Variants in LETM1 observed in about 807,000 individuals in gnomAD.
LETM1 encodes the protein leucine zipper and EF-hand containing transmembrane protein 1.
In LETM1, 50 loss-of-function variants were observed where a neutral mutation model predicts 74.5. The observed-to-expected ratio is 0.67, with a 90% CI of 0.53 to 0.85. The LOEUF is 0.85. Ranked by LOEUF, LETM1 falls within the 40% of genes least tolerant of loss-of-function variation. The pLI, the probability that LETM1 is intolerant of heterozygous loss-of-function variation, is 0.00. For missense variants in LETM1, 824 were observed against 967.8 expected (o/e 0.85, Z 1.97); for synonymous variants, 446 against 407.1 (o/e 1.10, Z -1.15).
At position 1,841,586 on chromosome 4, in the gene LETM1, C is replaced by T. The variant is rs202171442; in HGVS notation, c.355G>A (p.Val119Ile). ...AAGGACTTGAGGGACTTCTCTACTA[C>T]CGAGTCATCGCGAACAGGGCGCGAA... ...HSSRPVRDDS[V>I]VEKSLKSLKD... The change falls in exon 3 of 14, where the codon GTA becomes ATA. Residue 119 changes from valine (V) to isoleucine (I), a missense_variant. Val to Ile is a conservative substitution (Grantham distance 29). This residue lies in a region of LETM1 where 222 missense variants were observed against 195.6 expected (regional missense o/e 1.14). Transcript: ENST00000302787. 1.9e-6 allele frequency: 3 copies of T among 1,614,252 alleles called. No homozygotes were observed. The highest frequency in any genetic ancestry group is 2.5e-6 in the Non-Finnish European group (3 of 1,180,044).
intron 11 of LETM1, 95 bp from the exon 12 acceptor site, chr4:1,817,009 G>T: frequency 2.9e-6 from 3 of 1,022,620 alleles, no homozygotes; most frequent in Non-Finnish European, 4.4e-6. Flanking sequence ...ACTTTGCAAG[G>T]CCAAGGCGGG....
chr4:1,821,988 C>T (rs545167981), intron 10 of LETM1, among the ~76,000 whole-genome samples, 193 bp downstream of exon 10: 11 of 152,208 alleles, frequency 7.2e-5, no homozygotes, highest in Non-Finnish European at 1.2e-4. Flanking sequence ...GGAGCCCGGC[C>T]GGACTCACTC....
At chr4:1,828,232 G>C (rs1379819770) in intron 6 of LETM1, among the ~76,000 whole-genome samples, 49 of 32,492 alleles carry the variant, frequency 1.5e-3, no homozygotes, top group African/African-American at 1.5e-3. Context: ...GGGGCTGACC[G>C]CCCCCCACCT....
intron 10 of LETM1, among the ~76,000 whole-genome samples, chr4:1,819,975 TTGCC>T (rs1329393310): frequency 7.2e-5 from 11 of 152,242 alleles, no homozygotes; most frequent in African/African-American, 2.4e-4. Context: ...TCTCACTCTG[TTGCC>T]CAGGCTGGAG....
chr4:1,837,549 C>T (rs753555086), intron 3 of LETM1, among the ~76,000 whole-genome samples: 7 of 152,128 alleles, frequency 4.6e-5, no homozygotes, highest in Admixed American at 2.6e-4. Flanking sequence ...AAAGCTGGCA[C>T]ATGTGTTTTT....
At chr4:1,838,870 C>A (rs1712581053) in intron 3 of LETM1, among the ~76,000 whole-genome samples, 1 of 152,128 alleles carries the variant, frequency 6.6e-6, no homozygotes, top group Non-Finnish European at 1.5e-5. Flanking sequence ...ATGGCTCTCA[C>A]AGAAGCAAAC....
intron 11 of LETM1, among the ~76,000 whole-genome samples, chr4:1,817,245 C>CAAAA (rs60805612): frequency 1.1e-4 from 7 of 66,062 alleles, no homozygotes; most frequent in African/African-American, 2.5e-4. Flanking sequence ...ACTCTGTCTC[C>CAAAA]AAAAAAAAAA....
intron 6 of LETM1, among the ~76,000 whole-genome samples, chr4:1,828,855 C>T (rs1164406487): frequency 1.3e-4 from 14 of 104,296 alleles, no homozygotes; most frequent in Non-Finnish European, 2.1e-4. Flanking sequence ...GCTGGCCGGG[C>T]GGGAGGCTGA....
intron 7 of LETM1, 65 bp downstream of exon 7, chr4:1,825,499 G>A (rs2108840287): frequency 1.9e-6 from 3 of 1,563,442 alleles, no homozygotes; most frequent in Non-Finnish European, 2.6e-6. Context: ...CCTCCGAGTG[G>A]CCTTTCGAGG....
chr4:1,838,355 C>A (rs913564213), intron 3 of LETM1, among the ~76,000 whole-genome samples: 1 of 152,032 alleles, frequency 6.6e-6, no homozygotes, highest in Non-Finnish European at 1.5e-5. Context: ...GCCTCGGCCT[C>A]CCAAAGTTCT....
chr4:1,832,641 C>T, intron 6 of LETM1, 103 bp downstream of exon 6: 3 of 1,161,802 alleles, frequency 2.6e-6, no homozygotes, highest in Admixed American at 1.9e-5. Flanking sequence ...TTCGATCGTT[C>T]AGCATCTTCC....
intron 1 of LETM1, among the ~76,000 whole-genome samples, chr4:1,853,758 C>T (rs1713147452): frequency 6.6e-6 from 1 of 152,190 alleles, no homozygotes; most frequent in East Asian, 1.9e-4. Flanking sequence ...GAACCCTACT[C>T]ATCTAAGATG....
rs766125668 is a variant in LETM1, at chr4:1,825,590, C to A, written c.1174G>T (p.Asp392Tyr). 9 of 1,613,502 alleles carry A rather than the reference C, an allele frequency of 5.6e-6. No homozygotes were observed. Among genetic ancestry groups the A allele is most frequent in the Non-Finnish European group, 7.6e-6 (9 of 1,179,660 alleles). The change falls in exon 7 of 14, where the codon GAC (aspartate) becomes TAC (tyrosine). Residue 392 changes from aspartate to tyrosine, a missense_variant. This residue lies in a region of LETM1 where 269 missense variants were observed against 348.8 expected (regional missense o/e 0.77). Transcript: ENST00000302787. ...TGCTTCAGCTGACCCCTCAGGCGGTCTTCCGTGACGCCCAGGGCCCGCATG... is the reference window on the plus strand; with the variant it reads ...TGCTTCAGCTGACCCCTCAGGCGGTATTCCGTGACGCCCAGGGCCCGCATG... ...RGMRALGVTE[D>Y]RLRGQLKQWL...
At chr4:1,845,096 A>G (rs550386094) in intron 2 of LETM1, among the ~76,000 whole-genome samples, 127 of 151,896 alleles carry the variant, frequency 8.4e-4, no homozygotes, top group African/African-American at 3.0e-3. Context: ...AGGCTGAGGC[A>G]GGAGAATTGC....
At chr4:1,818,879 C>G (rs961721585) in intron 11 of LETM1, among the ~76,000 whole-genome samples, 1 of 151,820 alleles carries the variant, frequency 6.6e-6, no homozygotes, top group Non-Finnish European at 1.5e-5. Flanking sequence ...GCCAGGAGTT[C>G]GAGATGAGCC....
chr4:1,840,808 G>C (rs1330284207), intron 3 of LETM1, among the ~76,000 whole-genome samples: 1 of 152,104 alleles, frequency 6.6e-6, no homozygotes, highest in Admixed American at 6.5e-5. Context: ...GGGCACCTTG[G>C]GGACAGAGCC....
intron 6 of LETM1, among the ~76,000 whole-genome samples, chr4:1,827,170 G>C (rs1358531804): frequency 6.6e-6 from 1 of 152,168 alleles, no homozygotes; most frequent in Non-Finnish European, 1.5e-5. Context: ...TTCCTTTAGG[G>C]GAGGTCTGCT....
intron 3 of LETM1, among the ~76,000 whole-genome samples, chr4:1,837,086 G>T (rs1712484849): frequency 6.6e-6 from 1 of 152,222 alleles, no homozygotes; most frequent in African/African-American, 2.4e-5. Context: ...TGCCATTAAA[G>T]AAACATCCAA....
chr4:1,834,917 G>T lies in LETM1; in HGVS notation c.804C>A (p.Ile268=), dbSNP rs144059275. Residue 268 remains isoleucine, a synonymous_variant, in exon 5 of 14, where the codon ATC becomes ATA. Transcript: ENST00000302787. This position sits in a 1 kb window ranked among gnomAD's most constrained non-coding sequence, Gnocchi z 5.0. Reference sequence around the variant, plus strand: ...CCTTGTTCTTCAAGGCCATCTCCTCGATGGTGTCCTGGAGGAACTTGGCCA... The same window carrying T: ...CCTTGTTCTTCAAGGCCATCTCCTCTATGGTGTCCTGGAGGAACTTGGCCA... ...LELAKFLQDT[I]EEMALKNKAA... 5.0e-6 allele frequency: 8 copies of T among 1,614,144 alleles called. No homozygotes were observed. The South Asian group carries it at 7.7e-5, about 16-fold the overall frequency.
Sources: allele counts gnomAD v4.1 joint callset (sites outside exome capture counted in the v4.1 genomes callset), GRCh38; gene constraint gnomAD v4.1.1; regional missense constraint gnomAD v4.1.1; non-coding constraint Gnocchi (gnomAD v3.1); transcripts MANE v1.5; gene names NCBI Gene and HGNC (gene_info 2026-07-23, HGNC 2026-07-21).